Variants in DNAJC1 observed in about 807,000 individuals in gnomAD.
The protein encoded by DNAJC1 is dnaJ homolog subfamily C member 1.
In DNAJC1, 58 loss-of-function variants were observed where a neutral mutation model predicts 76.6. The ratio of observed to expected loss-of-function variants is 0.76; its 90% CI spans 0.61 to 0.94. The LOEUF is 0.94. Ranked by LOEUF, DNAJC1 falls within the 40% of genes least tolerant of loss-of-function variation. The probability of loss-of-function intolerance (pLI) is 0.00; values close to 1 mark genes in which losing one functional copy is unlikely to be tolerated. For missense variants in DNAJC1, 689 were observed against 677.3 expected (o/e 1.02, Z -0.19); for synonymous variants, 258 against 267.9 (o/e 0.96, Z 0.36).
At chr10:21,843,445 G>A (rs563917173) in intron 8 of DNAJC1, among the ~76,000 whole-genome samples, 7 of 147,766 alleles carry the variant, frequency 4.7e-5, no homozygotes, top group Non-Finnish European at 8.9e-5. Flanking sequence ...CCAGGCTGGA[G>A]TGCAGTGGCA....
intron 8 of DNAJC1, among the ~76,000 whole-genome samples, chr10:21,859,593 T>C (rs1358144830): frequency 2.0e-5 from 3 of 152,106 alleles, no homozygotes; most frequent in Non-Finnish European, 2.9e-5. Context: ...AGGGGTTACA[T>C]AGACATAGGG....
At position 21,847,823 on chromosome 10, in the gene DNAJC1, T is replaced by C. The variant is rs185710061; in HGVS notation, c.978+34459A>G. 5.5e-4 allele frequency among the ~76,000 whole-genome samples: 83 copies of C among 152,290 alleles called. 1 individual carries two copies. The highest frequency in any genetic ancestry group is 3.4e-3 in the Middle Eastern group (1 of 294). On this transcript the variant is annotated intron_variant, in intron 8 of 11. Coordinates refer to ENST00000376980, the MANE Select transcript of DNAJC1 (RefSeq NM_022365.4). The stretch of plus-strand genomic sequence containing the variant: ...CATTGAGTGTGTGTCCATATATATA[T>C]GGACAAACACACCATTTTCTTTATC...
chr10:21,908,736 C>G (rs1836801826), intron 6 of DNAJC1, among the ~76,000 whole-genome samples: 1 of 151,954 alleles, frequency 6.6e-6, no homozygotes, highest in African/African-American at 2.4e-5. Context: ...TCTGAACTGC[C>G]TGCCTCATAA....
intron 3 of DNAJC1, among the ~76,000 whole-genome samples, chr10:21,922,752 T>G (rs1275886055): frequency 6.6e-6 from 1 of 151,990 alleles, no homozygotes; most frequent in African/African-American, 2.4e-5. Flanking sequence ...CCTTAAGTCC[T>G]GAATCTATTC....
intron 8 of DNAJC1, among the ~76,000 whole-genome samples, chr10:21,862,968 A>T (rs116609402): frequency 0.013 from 2,023 of 152,096 alleles, 65 homozygotes; most frequent in African/African-American, 0.047. Context: ...TCCCATCTAT[A>T]CTAAAAATAC....
intron 9 of DNAJC1, among the ~76,000 whole-genome samples, chr10:21,778,945 T>C (rs1385642466): frequency 6.6e-6 from 1 of 152,212 alleles, no homozygotes; most frequent in African/African-American, 2.4e-5. Flanking sequence ...ACCAGGAGAT[T>C]ATATTCCACA....
At chr10:21,912,175 T>A (rs955187100) in intron 6 of DNAJC1, among the ~76,000 whole-genome samples, 1 of 152,146 alleles carries the variant, frequency 6.6e-6, no homozygotes, top group Non-Finnish European at 1.5e-5. Flanking sequence ...AGTTTTTATT[T>A]TTCTTATGTA....
At chr10:21,852,714 G>C (rs1209533671) in intron 8 of DNAJC1, among the ~76,000 whole-genome samples, 1 of 151,320 alleles carries the variant, frequency 6.6e-6, no homozygotes, top group Non-Finnish European at 1.5e-5. Flanking sequence ...TGCTTGGTTA[G>C]GTGCTCAATA....
intron 8 of DNAJC1, among the ~76,000 whole-genome samples, chr10:21,819,341 C>A (rs1835120944): frequency 6.6e-6 from 1 of 151,096 alleles, no homozygotes. Context: ...GCAGAGGTTG[C>A]AGTGAGCCGA....
intron 1 of DNAJC1, among the ~76,000 whole-genome samples, chr10:22,000,707 C>G (rs1335483350): frequency 1.3e-5 from 2 of 152,208 alleles, no homozygotes; most frequent in Non-Finnish European, 2.9e-5. Flanking sequence ...GATTATATCA[C>G]GAAGGTGGAG....
At chr10:21,782,945 C>T (rs1834552395) in intron 9 of DNAJC1, among the ~76,000 whole-genome samples, 1 of 152,152 alleles carries the variant, frequency 6.6e-6, no homozygotes, top group South Asian at 2.1e-4. Context: ...GCCAATATCA[C>T]ATTGAATTGA....
intron 1 of DNAJC1, among the ~76,000 whole-genome samples, chr10:21,947,038 G>C (rs530117540): frequency 5.9e-5 from 9 of 152,060 alleles, no homozygotes; most frequent in Non-Finnish European, 1.3e-4. Flanking sequence ...CCTTGATATT[G>C]GACTTTCCAG....
At chr10:21,765,304 G>A (rs1047534320) in intron 10 of DNAJC1, among the ~76,000 whole-genome samples, 1 of 152,124 alleles carries the variant, frequency 6.6e-6, no homozygotes, top group African/African-American at 2.4e-5. Flanking sequence ...CTGGGCTCAA[G>A]TGATCCTCCC....
chr10:21,807,784 C>A (rs1016531156), intron 8 of DNAJC1, among the ~76,000 whole-genome samples: 3 of 152,068 alleles, frequency 2.0e-5, no homozygotes, highest in African/African-American at 7.2e-5. Context: ...AAAAGGTAGC[C>A]CACATTGGGT....
At chr10:21,971,566 T>C (rs1213445302) in intron 1 of DNAJC1, among the ~76,000 whole-genome samples, 2 of 151,838 alleles carry the variant, frequency 1.3e-5, no homozygotes, top group Non-Finnish European at 3.0e-5. Flanking sequence ...TTTTTTAAGC[T>C]CCTTCCTTTG....
chr10:21,777,991 C>T (rs1834475055), intron 9 of DNAJC1, among the ~76,000 whole-genome samples: 2 of 152,160 alleles, frequency 1.3e-5, no homozygotes, highest in Admixed American at 1.3e-4. Context: ...AGTTCAAGAC[C>T]AGCCTGGCCA....
intron 8 of DNAJC1, among the ~76,000 whole-genome samples, chr10:21,839,010 T>G (rs184747550): frequency 4.9e-4 from 74 of 152,170 alleles, no homozygotes; most frequent in African/African-American, 1.5e-3. Context: ...ACTGGGTAAA[T>G]AAAGAAAGGA....
intron 6 of DNAJC1, among the ~76,000 whole-genome samples, chr10:21,915,029 C>A (rs960332371): frequency 4.6e-5 from 7 of 152,192 alleles, no homozygotes; most frequent in African/African-American, 1.7e-4. Context: ...CTAGAGAAGG[C>A]ATATTTATCT....
At chr10:21,925,171 C>A (rs1304526101) in intron 3 of DNAJC1, among the ~76,000 whole-genome samples, 6 of 152,008 alleles carry the variant, frequency 3.9e-5, no homozygotes, top group African/African-American at 1.2e-4. Flanking sequence ...AACACTACAC[C>A]CTGGTAATTT....
Sources: allele counts gnomAD v4.1 joint callset (sites outside exome capture counted in the v4.1 genomes callset), GRCh38; gene constraint gnomAD v4.1.1; transcripts MANE v1.5; gene names NCBI Gene and HGNC (gene_info 2026-07-23, HGNC 2026-07-21).